MYO10: variants seen among roughly 807,000 people sequenced by gnomAD.
MYO10 encodes myosin X, also known as unconventional myosin-X.
In MYO10, 133 loss-of-function variants were observed where a neutral mutation model predicts 257.3. The observed-to-expected ratio is 0.52, with a 90% CI of 0.45 to 0.60. The LOEUF (loss-of-function observed/expected upper bound fraction) is 0.60. Among genes scored for constraint, MYO10 ranks in the 20% least tolerant of loss-of-function variants. The pLI, the probability that MYO10 is intolerant of heterozygous loss-of-function variation, is 0.00. For missense variants in MYO10, 2,399 were observed against 2,635.7 expected, an observed-to-expected ratio of 0.91 and a Z score of 1.97; for synonymous variants, 1,104 against 1,028.6, an observed-to-expected ratio of 1.07 and a Z score of -1.40.
chr5:16,801,505 C>A (rs1036113731), intron 3 of MYO10, among the ~76,000 whole-genome samples: 2 of 152,106 alleles, frequency 1.3e-5, no homozygotes, highest in African/African-American at 4.8e-5. Flanking sequence ...AGCCACCATG[C>A]CTGGCTAAGA....
At chr5:16,666,892 GCCTTC>G in intron 40 of MYO10, 99 bp from the exon 41 acceptor site, 1 of 955,028 alleles carries the variant, frequency 1.0e-6, no homozygotes, top group Non-Finnish European at 1.6e-6. Flanking sequence ...CCCTCCCGTA[GCCTTC>G]CATGCTAATC....
In MYO10 at chr5:16,711,213, C is replaced by T. The variant is rs1410226865; in HGVS notation, c.1962G>A (p.Leu654=). The T allele has an allele frequency of 6.2e-7, 1 of 1,612,984 alleles. No homozygotes were observed. The highest frequency in any genetic ancestry group is 8.5e-7 in the Non-Finnish European group (1 of 1,179,514). ...MPDQFDQAVV[L]NQLRYSGMLE... ...GCATCCCTGAGTACCGCAGCTGGTTCAGCACAACCGCCTGGTCAAACTGGT... is the reference window on the plus strand; with the variant it reads ...GCATCCCTGAGTACCGCAGCTGGTTTAGCACAACCGCCTGGTCAAACTGGT... Residue 654 remains leucine (L), a synonymous_variant, in exon 20 of 41, where the codon CTG becomes CTA. Transcript: ENST00000513610.
At chr5:16,926,151 T>C (rs1455811103) in intron 1 of MYO10, among the ~76,000 whole-genome samples, 1 of 152,214 alleles carries the variant, frequency 6.6e-6, no homozygotes, top group Non-Finnish European at 1.5e-5. Context: ...GTAAATCTAA[T>C]ATGAAAAATT....
In MYO10 at chr5:16,701,931, A is replaced by T; in HGVS notation, c.2557-93T>A. 1.4e-6 allele frequency: 2 copies of T among 1,412,148 alleles called. No homozygotes were observed. The highest frequency in any genetic ancestry group is 1.9e-6 in the Non-Finnish European group (2 of 1,056,280). 87.5% of individuals were successfully genotyped at this position (1,412,148 alleles called of 1,614,324 possible). ...GCAACCAGGATGAAATATGGTCATT[A>T]TGAGTTGGACTGTGTCCCCATAAAG... On this transcript the variant is annotated intron_variant, in intron 24 of 40. Coordinates refer to ENST00000513610, the MANE Select transcript of MYO10 (RefSeq NM_012334.3). The surrounding 1 kb of genome is among the most constrained non-coding windows in gnomAD (Gnocchi z 8.1).
At chr5:16,924,830 C>CTT (rs35010705) in intron 1 of MYO10, among the ~76,000 whole-genome samples, 67,859 of 124,222 alleles carry the variant, frequency 0.55, 19,660 homozygotes, top group South Asian at 0.6. Flanking sequence ...CACTTTATCA[C>CTT]TTTTTTTTTT....
chr5:16,731,068 C>T (rs1409024262), intron 19 of MYO10, among the ~76,000 whole-genome samples: 3 of 144,478 alleles, frequency 2.1e-5, no homozygotes, highest in African/African-American at 7.9e-5. Context: ...TTTTTGGAGA[C>T]TGAGTCTCGC....
intron 1 of MYO10, among the ~76,000 whole-genome samples, chr5:16,928,904 C>T (rs904206599): frequency 6.6e-6 from 1 of 151,664 alleles, no homozygotes; most frequent in African/African-American, 2.4e-5. Flanking sequence ...ACAGAAGGCG[C>T]TTGGCTTTCC....
intron 1 of MYO10, 122 bp downstream of exon 1, chr5:16,935,666 G>T: frequency 8.6e-7 from 1 of 1,156,328 alleles, no homozygotes; most frequent in Non-Finnish European, 1.3e-6. Flanking sequence ...GTGATTTCAG[G>T]AGACTCCCAG....
chr5:16,811,760 A>G (rs1455430944), intron 3 of MYO10, among the ~76,000 whole-genome samples: 1 of 152,118 alleles, frequency 6.6e-6, no homozygotes, highest in Non-Finnish European at 1.5e-5. Flanking sequence ...CAAATTGCCC[A>G]GGCTTGTCTT....
At chr5:16,672,891 T>G in intron 36 of MYO10, 66 bp from the exon 37 acceptor site, 1 of 1,543,810 alleles carries the variant, frequency 6.5e-7, no homozygotes, top group Non-Finnish European at 8.8e-7. Flanking sequence ...TCCCAGAACG[T>G]GCCATCACCT....
Position 16,779,543 on chromosome 5 carries a change from A to G in MYO10, c.930+2T>C. 1 of 1,532,836 alleles carries G rather than the reference A, an allele frequency of 6.5e-7. No homozygotes were observed. The highest frequency in any genetic ancestry group is 8.8e-7 in the Non-Finnish European group (1 of 1,131,618). The allele number at this position is 1,532,836 out of a possible 1,614,324, so 95.0% of individuals were successfully genotyped here. On this transcript the variant is annotated splice_donor_variant, in intron 9 of 40. Transcript: ENST00000513610. LOFTEE classifies it high-confidence loss of function. The stretch of plus-strand genomic sequence containing the variant: ...TAGGGAAAACATTTAAAAGTAACTT[A>G]CAATAACTTCCCTAAAGGATTCCTG...
At chr5:16,870,971 C>T (rs747666176) in intron 2 of MYO10, among the ~76,000 whole-genome samples, 1 of 152,158 alleles carries the variant, frequency 6.6e-6, no homozygotes, top group Non-Finnish European at 1.5e-5. Flanking sequence ...ACCATTTACC[C>T]ACCATCTGAC....
chr5:16,744,849 T>C (rs1740138720), intron 19 of MYO10, among the ~76,000 whole-genome samples: 1 of 152,158 alleles, frequency 6.6e-6, no homozygotes, highest in African/African-American at 2.4e-5. Context: ...GTGTTGATGT[T>C]TAAACAAAAA....
intron 3 of MYO10, among the ~76,000 whole-genome samples, chr5:16,809,396 A>G (rs1239366034): frequency 6.6e-6 from 1 of 152,246 alleles, no homozygotes; most frequent in Admixed American, 6.5e-5. Flanking sequence ...CTACCTTGGG[A>G]AGACTCAACT....
chr5:16,838,738 A>C (rs1561011510), intron 2 of MYO10, among the ~76,000 whole-genome samples: 1 of 152,206 alleles, frequency 6.6e-6, no homozygotes, highest in Non-Finnish European at 1.5e-5. Flanking sequence ...GCCTGGCTTC[A>C]AAGGACACAC....
chr5:16,718,294 ACGGCGCCCAGTCCCAT>A (rs1260351531), intron 19 of MYO10, among the ~76,000 whole-genome samples: 4 of 152,176 alleles, frequency 2.6e-5, no homozygotes, highest in African/African-American at 9.7e-5. Context: ...CCCCTGCTCC[ACGGCGCCCAGTCCCAT>A]CGACCACCTA....
chr5:16,720,007 T>TGC (rs1739083024), intron 19 of MYO10, among the ~76,000 whole-genome samples: 4 of 149,994 alleles, frequency 2.7e-5, no homozygotes, highest in African/African-American at 1.0e-4. Context: ...TGTGTGTGTG[T>TGC]GTGTGTGTGT....
intron 3 of MYO10, among the ~76,000 whole-genome samples, chr5:16,801,896 T>C (rs1291515055): frequency 6.6e-6 from 1 of 152,100 alleles, no homozygotes; most frequent in Non-Finnish European, 1.5e-5. Context: ...TGCCAATAAA[T>C]GAACAGATAC....
At chr5:16,709,046 G>A (rs1738473940) in intron 21 of MYO10, among the ~76,000 whole-genome samples, 1 of 152,194 alleles carries the variant, frequency 6.6e-6, no homozygotes, top group Admixed American at 6.5e-5. Context: ...TGAACAATCA[G>A]CTCTACATGC....
Sources: allele counts gnomAD v4.1 joint callset (sites outside exome capture counted in the v4.1 genomes callset), GRCh38; gene constraint gnomAD v4.1.1; non-coding constraint Gnocchi (gnomAD v3.1); transcripts MANE v1.5; gene names NCBI Gene and HGNC (gene_info 2026-07-23, HGNC 2026-07-21).